The following NUP58 variants were observed in gnomAD, a reference collection of about 807,000 sequenced individuals.
NUP58 encodes nucleoporin 58.
Under a neutral mutation model 70.1 loss-of-function variants are expected in NUP58, and 17 were observed. That is an observed-to-expected ratio of 0.24 (90% CI 0.17 to 0.36). The LOEUF (loss-of-function observed/expected upper bound fraction) is 0.36. NUP58 is among the 10% of genes least tolerant of loss of function. The pLI, the probability that NUP58 is intolerant of heterozygous loss-of-function variation, is 1.00. For missense variants in NUP58, 644 were observed against 701.5 expected, an observed-to-expected ratio of 0.92 and a Z score of 0.93; for synonymous variants, 275 against 257.6, an observed-to-expected ratio of 1.07 and a Z score of -0.65.
chr13:25,315,445 C>T lies in NUP58; in HGVS notation c.663C>T (p.Phe221=). ...ATGAAGGCCTTGGTGGTATAGATTT[C>T]AGTAGCTCCTCAGATAAAAAGAGTA... ...AGNEGLGGID[F]SSSSDKKSDK... is the part of the protein sequence containing the mutation. The change falls in exon 6 of 16, where the codon TTC becomes TTT. Residue 221 remains phenylalanine, a synonymous_variant. Coordinates refer to ENST00000381736, the MANE Select transcript of NUP58 (RefSeq NM_014089.4). 2 of 1,612,008 alleles carry T rather than the reference C, an allele frequency of 1.2e-6. No individual in the cohort carries two copies. Among genetic ancestry groups the T allele is most frequent in the Non-Finnish European group, 1.7e-6 (2 of 1,178,270 alleles).
intron 2 of NUP58, 59 bp from the exon 3 acceptor site, chr13:25,309,187 TA>T: frequency 7.6e-7 from 1 of 1,308,380 alleles, no homozygotes; most frequent in South Asian, 1.2e-5. Flanking sequence ...TTATGACAGG[TA>T]AACCTAAAGA....
chr13:25,329,862 G>T (rs913665401), intron 12 of NUP58, among the ~76,000 whole-genome samples: 4 of 152,114 alleles, frequency 2.6e-5, no homozygotes, highest in African/African-American at 7.2e-5. Context: ...TTGCTCTGTT[G>T]CCTATGCTAG....
chr13:25,321,062 A>T lies in NUP58; in HGVS notation c.920A>T (p.Asn307Ile). 1 of 1,590,238 alleles carries T rather than the reference A, an allele frequency of 6.3e-7. No individual in the cohort carries two copies. The highest frequency in any genetic ancestry group is 8.5e-7 in the Non-Finnish European group (1 of 1,172,704). Residue 307 changes from asparagine (N) to isoleucine (I), a missense_variant, in exon 9 of 16, where the codon AAC becomes ATC. Coordinates refer to ENST00000381736, the MANE Select transcript of NUP58 (RefSeq NM_014089.4). ...AATGGAATACAGAGAAACACTCTCA[A>T]CATTGACAAATTGAAAATAGAAACT... ...AANGIQRNTL[N>I]IDKLKIETAQ...
intron 9 of NUP58, among the ~76,000 whole-genome samples, chr13:25,324,408 A>G (rs2031310138): frequency 6.6e-6 from 1 of 152,224 alleles, no homozygotes. Flanking sequence ...GCAATATAAG[A>G]ATGGTTGAGT....
At chr13:25,313,397 C>G (rs1404791875) in intron 4 of NUP58, among the ~76,000 whole-genome samples, 1 of 152,134 alleles carries the variant, frequency 6.6e-6, no homozygotes, top group East Asian at 1.9e-4. Context: ...TACCTGGTAC[C>G]ATTCTAATAC....
At chr13:25,334,342 A>T (rs544380267) in intron 13 of NUP58, 2 of 985,350 alleles carry the variant, frequency 2.0e-6, no homozygotes. Flanking sequence ...TTGACACTTT[A>T]AGAGTTCTTG....
intron 13 of NUP58, chr13:25,332,673 G>C: frequency 1.0e-6 from 1 of 985,426 alleles, no homozygotes; most frequent in Non-Finnish European, 1.2e-6. Flanking sequence ...ATAAGTAAAG[G>C]GTTGATGATA....
chr13:25,345,439 A>G (rs1175210524), downstream of NUP58, among the ~76,000 whole-genome samples: 2 of 152,106 alleles, frequency 1.3e-5, no homozygotes, highest in Non-Finnish European at 2.9e-5. Context: ...TTAAAAGGAG[A>G]GGGAATACTA....
At chr13:25,302,885 G>C (rs909927228) in intron 1 of NUP58, 10 of 446,922 alleles carry the variant, frequency 2.2e-5, no homozygotes, top group African/African-American at 1.6e-4. Flanking sequence ...AACAGGTTCT[G>C]ATAATGTTAC....
At position 25,336,133 on chromosome 13, in the gene NUP58, G is replaced by T; in HGVS notation, c.1436-803G>T. The stretch of plus-strand genomic sequence containing the variant: ...TCCAAAACGTTGGAAAGAAACTTCT[G>T]AATTGAAATCTTGAATGTATTGAAT... On this transcript the variant is annotated intron_variant, in intron 13 of 15. Coordinates refer to ENST00000381736, the MANE Select transcript of NUP58 (RefSeq NM_014089.4). 5 of 1,309,058 alleles carry T rather than the reference G, an allele frequency of 3.8e-6. 1 individual carries two copies. The South Asian group carries it at 6.5e-5, about 17-fold the overall frequency. The allele number at this position is 1,309,058 out of a possible 1,614,324, so 81.1% of individuals were successfully genotyped here.
intron 14 of NUP58, among the ~76,000 whole-genome samples, chr13:25,338,056 A>G (rs2031845533): frequency 6.6e-6 from 1 of 152,172 alleles, no homozygotes; most frequent in Non-Finnish European, 1.5e-5. Context: ...TGATCTTCTC[A>G]CCACCAATTT....
At chr13:25,310,045 C>T (rs749988312) in intron 3 of NUP58, 1 of 396,894 alleles carries the variant, frequency 2.5e-6, no homozygotes, top group Non-Finnish European at 5.0e-6. Flanking sequence ...TTCTTTTTTG[C>T]TTTTTTTTCC....
intron 5 of NUP58, among the ~76,000 whole-genome samples, chr13:25,315,093 T>C (rs2030864535): frequency 6.6e-6 from 1 of 152,216 alleles, no homozygotes; most frequent in East Asian, 1.9e-4. Flanking sequence ...AAGTGAAGAT[T>C]GAGTGCCTAC....
At chr13:25,317,643 A>G (rs1429504740) in intron 6 of NUP58, 1 of 152,192 alleles carries the variant, frequency 6.6e-6, no homozygotes, top group East Asian at 1.9e-4. Context: ...ATTTGGAGAA[A>G]CATAAAATGA....
chr13:25,339,432 T>C (rs1369250769), intron 15 of NUP58, among the ~76,000 whole-genome samples: 1 of 152,228 alleles, frequency 6.6e-6, no homozygotes, highest in Non-Finnish European at 1.5e-5. Context: ...AGGATTATAA[T>C]TGAAATATTG....
At chr13:25,346,667 C>T (rs1231171732), downstream of NUP58, among the ~76,000 whole-genome samples, 1 of 150,148 alleles carries the variant, frequency 6.7e-6, no homozygotes, top group Non-Finnish European at 1.5e-5. Context: ...TTGCAGTGAG[C>T]AGAGATCGCA....
intron 6 of NUP58, 123 bp downstream of exon 6, chr13:25,315,590 T>G (rs2030891108): frequency 1.5e-6 from 1 of 673,940 alleles, no homozygotes; most frequent in Non-Finnish European, 2.7e-6. Flanking sequence ...TTAGCTATCT[T>G]AATGTGTATA....
intron 3 of NUP58, among the ~76,000 whole-genome samples, chr13:25,348,660 G>A (rs1276284020): frequency 6.6e-6 from 1 of 152,166 alleles, no homozygotes; most frequent in African/African-American, 2.4e-5. Context: ...CCGTGGTTCT[G>A]GGAGCAAATA....
chr13:25,321,790 G>T (rs955869228), intron 9 of NUP58, among the ~76,000 whole-genome samples: 1 of 152,086 alleles, frequency 6.6e-6, no homozygotes, highest in African/African-American at 2.4e-5. Context: ...GGTGGTGCAT[G>T]CCTATAATCC....
Sources: allele counts gnomAD v4.1 joint callset (sites outside exome capture counted in the v4.1 genomes callset), GRCh38; gene constraint gnomAD v4.1.1; transcripts MANE v1.5; gene names NCBI Gene and HGNC (gene_info 2026-07-23, HGNC 2026-07-21).